STK3: variants seen among roughly 807,000 people sequenced by gnomAD.
The protein encoded by STK3 is serine/threonine-protein kinase 3.
A neutral mutation model predicts 58.0 loss-of-function variants in STK3; 41 were observed. The observed-to-expected ratio is 0.71, with a 90% CI of 0.55 to 0.92. The LOEUF (loss-of-function observed/expected upper bound fraction) is 0.92. Among genes scored for constraint, STK3 ranks in the 40% least tolerant of loss-of-function variants. The pLI, the probability that STK3 is intolerant of heterozygous loss-of-function variation, is 0.00. For synonymous variants in STK3, 170 were observed against 191.0 expected, an observed-to-expected ratio of 0.89 and a Z score of 0.91; for missense variants, 479 against 602.7, an observed-to-expected ratio of 0.79 and a Z score of 2.15.
At chr8:98,821,352 T>G (rs1454598276) in intron 1 of STK3, among the ~76,000 whole-genome samples, 1 of 152,116 alleles carries the variant, frequency 6.6e-6, no homozygotes, top group Non-Finnish European at 1.5e-5. Flanking sequence ...AAACCATCTG[T>G]GCAAAAATTG....
At chr8:98,417,134 T>C (rs1011419254) in intron 3 of STK3, among the ~76,000 whole-genome samples, 1 of 152,126 alleles carries the variant, frequency 6.6e-6, no homozygotes, top group African/African-American at 2.4e-5. Flanking sequence ...GAACCTCTTG[T>C]CTTGAAAAAA....
chr8:98,393,734 G>C (rs1817870488), intron 3 of STK3: 2 of 151,960 alleles, frequency 1.3e-5, no homozygotes, highest in African/African-American at 4.8e-5. Context: ...GGGAACCAGA[G>C]CTGGTTGGCC....
intron 6 of STK3, among the ~76,000 whole-genome samples, chr8:98,693,976 T>G (rs1398595862): frequency 6.6e-6 from 1 of 152,220 alleles, no homozygotes; most frequent in African/African-American, 2.4e-5. Flanking sequence ...ACATTTTTTG[T>G]CTCTTTTTTT....
chr8:98,560,754 C>T (rs1360728459), intron 8 of STK3, among the ~76,000 whole-genome samples: 3 of 152,000 alleles, frequency 2.0e-5, no homozygotes, highest in African/African-American at 7.2e-5. Context: ...AAAATTTGGC[C>T]AGGAGAAGAG....
intron 4 of STK3, among the ~76,000 whole-genome samples, chr8:98,745,217 T>C (rs1829562584): frequency 6.6e-6 from 1 of 152,120 alleles, no homozygotes; most frequent in Admixed American, 6.6e-5. Context: ...TTCGGGAGGG[T>C]GGATGTGGGA....
intron 6 of STK3, among the ~76,000 whole-genome samples, chr8:98,609,160 G>A (rs1816987906): frequency 6.6e-6 from 1 of 151,768 alleles, no homozygotes; most frequent in Non-Finnish European, 1.5e-5. Flanking sequence ...TGACAAAGAA[G>A]AGGGCTCTGC....
At chr8:98,863,917 A>C (rs1192901813) in intron 3 of STK3, among the ~76,000 whole-genome samples, 1 of 151,928 alleles carries the variant, frequency 6.6e-6, no homozygotes, top group Non-Finnish European at 1.5e-5. Context: ...CTGAATCAGG[A>C]CGGGCGCGGT....
chr8:98,828,687 A>G (rs1032303860), upstream of STK3, among the ~76,000 whole-genome samples: 5 of 152,202 alleles, frequency 3.3e-5, no homozygotes, highest in Admixed American at 6.5e-5. Context: ...TTGTTTTACC[A>G]ACAGCAATCT....
intron 6 of STK3, among the ~76,000 whole-genome samples, chr8:98,652,396 A>G (rs1302812574): frequency 1.3e-5 from 2 of 152,212 alleles, no homozygotes; most frequent in African/African-American, 4.8e-5. Flanking sequence ...TGTAAAGACC[A>G]CCAATGCTAG....
rs574393943 is a variant in STK3 at position 98,784,810 on chromosome 8, CCTGTGCAGAGATT to C, written c.27-10004_27-9992del. 2.2e-4 allele frequency among the ~76,000 whole-genome samples: 33 copies of C among 151,968 alleles called. No homozygotes were observed. In the South Asian group the frequency reaches 6.0e-3, roughly 28 times the overall value. On this transcript the variant is annotated intron_variant, in intron 1 of 10. Transcript: ENST00000419617. ...TAGCAGATTGAGTTGCCCCACTTTT[CCTGTGCAGAGATT>C]CTGTGCAGGGGGGCCCTCTCTGCTC... is the stretch of plus-strand genomic sequence containing the variant.
chr8:98,801,006 C>A (rs1405864718), intron 1 of STK3, among the ~76,000 whole-genome samples: 1 of 152,222 alleles, frequency 6.6e-6, no homozygotes, highest in Non-Finnish European at 1.5e-5. Context: ...CAGCTCCACC[C>A]GTGGCCCTGG....
At chr8:98,372,983 C>T (rs566657777) in intron 2 of STK3, among the ~76,000 whole-genome samples, 1 of 152,210 alleles carries the variant, frequency 6.6e-6, no homozygotes, top group South Asian at 2.1e-4. Flanking sequence ...ATAATGGTTG[C>T]TATTATTTCT....
intron 6 of STK3, among the ~76,000 whole-genome samples, chr8:98,604,530 C>G (rs554576291): frequency 6.6e-6 from 1 of 152,300 alleles, no homozygotes; most frequent in Non-Finnish European, 1.5e-5. Context: ...AGACTCTAAC[C>G]CCATATTTCC....
intron 6 of STK3, among the ~76,000 whole-genome samples, chr8:98,613,557 C>T (rs1332324456): frequency 6.6e-6 from 1 of 151,334 alleles, no homozygotes; most frequent in Non-Finnish European, 1.5e-5. Flanking sequence ...AATAAACCAC[C>T]AAAAAGTTTT....
intron 4 of STK3, among the ~76,000 whole-genome samples, chr8:98,728,217 C>A (rs1488485082): frequency 1.3e-5 from 2 of 152,028 alleles, no homozygotes; most frequent in Non-Finnish European, 2.9e-5. Context: ...TTCCACCCCC[C>A]TAAAGAAGAG....
chr8:98,621,765 T>C (rs907503961), intron 6 of STK3, among the ~76,000 whole-genome samples: 1 of 152,064 alleles, frequency 6.6e-6, no homozygotes, highest in African/African-American at 2.4e-5. Flanking sequence ...GCTCAGAGTG[T>C]TGTTTTTTTT....
intron 6 of STK3, among the ~76,000 whole-genome samples, chr8:98,637,461 T>C (rs934138278): frequency 3.9e-5 from 6 of 152,178 alleles, no homozygotes; most frequent in African/African-American, 1.2e-4. Context: ...GGGTAGGTCA[T>C]ACAGTGGCTA....
At chr8:98,344,910 A>G in the STK3 span, among the ~76,000 whole-genome samples, 22 of 150,084 alleles carry the variant, frequency 1.5e-4, no homozygotes, top group Middle Eastern at 3.4e-3. Flanking sequence ...AAAAAAAAAA[A>G]AAAAAAAAGA....
In STK3 at chr8:98,866,026, G is replaced by A. The variant is rs1837127435; in HGVS notation, c.110+17621C>T. On this transcript the variant is annotated intron_variant, in intron 3 of 12. Coordinates refer to the STK3 transcript ENST00000523601. The stretch of plus-strand genomic sequence containing the variant: ...ACCATGTGCCCCGTTGCTGTATGTT[G>A]CTGCCTGCACACTGTGGCTGCTGCT... Among the ~76,000 whole-genome samples the A allele has an allele frequency of 3.3e-5, 5 of 152,366 alleles. No homozygotes were observed. In the South Asian group the frequency reaches 1.0e-3, roughly 32 times the overall value.
Sources: gnomAD v4.1 joint callset for allele counts (sites outside exome capture counted in the v4.1 genomes callset) on GRCh38, gnomAD v4.1.1 for gene constraint, MANE v1.5 for transcripts, NCBI Gene and HGNC (gene_info 2026-07-23, HGNC 2026-07-21) for gene names.